PZP: variants seen among roughly 807,000 people sequenced by gnomAD.
PZP encodes the protein pregnancy zone protein.
In PZP, 150 loss-of-function variants were observed where a neutral mutation model predicts 179.8. The ratio of observed to expected loss-of-function variants is 0.83; its 90% CI spans 0.73 to 0.96. The LOEUF (loss-of-function observed/expected upper bound fraction) is 0.96. PZP is among the 40% of genes least tolerant of loss of function. The probability of loss-of-function intolerance (pLI) is 0.00; values close to 1 mark genes in which losing one functional copy is unlikely to be tolerated. For missense variants in PZP, 1,689 were observed against 1,764.0 expected, an observed-to-expected ratio of 0.96 and a Z score of 0.76; for synonymous variants, 624 against 652.3, an observed-to-expected ratio of 0.96 and a Z score of 0.66.
chr12:9,175,668 A>G (rs1942313387), intron 15 of PZP, among the ~76,000 whole-genome samples: 1 of 152,226 alleles, frequency 6.6e-6, no homozygotes, highest in South Asian at 2.1e-4. Flanking sequence ...ACAATTCTCA[A>G]AAGAAAACAT....
intron 2 of PZP, 25 bp from the exon 3 acceptor site, chr12:9,202,709 A>T: frequency 1.2e-6 from 2 of 1,605,248 alleles, no homozygotes; most frequent in Non-Finnish European, 1.7e-6. Context: ...ATTTTTTACT[A>T]CTGAGGAACT....
intron 26 of PZP, among the ~76,000 whole-genome samples, chr12:9,158,187 T>C (rs1408162353): frequency 1.3e-5 from 2 of 152,194 alleles, no homozygotes; most frequent in African/African-American, 4.8e-5. Flanking sequence ...ACTCCTGGGC[T>C]CAAGTGATCC....
At position 9,161,016 on chromosome 12, in the gene PZP, A is replaced by G; in HGVS notation, c.2872+17T>C. ...CAACTCTTTTGGCCCAGGTTTACTAAATGGAAGGTGACTCACCCAGAACTG... is the reference window on the plus strand; with the variant it reads ...CAACTCTTTTGGCCCAGGTTTACTAGATGGAAGGTGACTCACCCAGAACTG... On this transcript the variant is annotated intron_variant, in intron 23 of 35. Transcript: ENST00000261336. The G allele has an allele frequency of 4.5e-6, 7 of 1,543,876 alleles. No homozygotes were observed. The highest frequency in any genetic ancestry group is 6.3e-6 in the Non-Finnish European group (7 of 1,116,110).
intron 19 of PZP, among the ~76,000 whole-genome samples, chr12:9,164,868 A>G (rs902550758): frequency 5.3e-5 from 8 of 152,248 alleles, no homozygotes; most frequent in Non-Finnish European, 1.2e-4. Context: ...TGTTCCTGGC[A>G]TATAACCTAA....
At chr12:9,160,748 A>C (rs1342670450) in intron 23 of PZP, among the ~76,000 whole-genome samples, 2 of 152,100 alleles carry the variant, frequency 1.3e-5, no homozygotes, top group Non-Finnish European at 2.9e-5. Flanking sequence ...CCCCGTCTCT[A>C]CTAAAAATAC....
chr12:9,144,427 GAT>G (rs1401155566), downstream of PZP, among the ~76,000 whole-genome samples: 2 of 152,184 alleles, frequency 1.3e-5, no homozygotes, highest in South Asian at 2.1e-4. Context: ...AGACTCTCAG[GAT>G]CCAGTGGGAT....
intron 4 of PZP, 24 bp downstream of exon 4, chr12:9,202,295 A>G (rs1944208853): frequency 6.2e-7 from 1 of 1,601,178 alleles, no homozygotes. Flanking sequence ...CCCACAACCC[A>G]AACCACAGAT....
Position 9,163,684 on chromosome 12 carries a change from T to G in PZP, c.2720A>C (p.Lys907Thr). The change falls in exon 21 of 36, where the codon AAA becomes ACA. Residue 907 changes from lysine (K) to threonine (T), a missense_variant. By Grantham distance (78) the Lys-to-Thr change is moderately conservative. This residue lies in a region of PZP where 746 missense variants were observed against 749.2 expected (regional missense o/e 1.00). Transcript: ENST00000261336. ...PEIKRKDTVI[K>T]TLLVEAEGIE... is the part of the protein sequence containing the mutation. ...ATATGTTACCTCCACCAACAGGGTT[T>G]TGATGACTGTGTCTTTTCTTTTAAT... The G allele has an allele frequency of 6.2e-7, 1 of 1,613,820 alleles. No homozygotes were observed. The highest frequency in any genetic ancestry group is 1.3e-5 in the African/African-American group (1 of 75,044).
Position 9,152,227 on chromosome 12 carries a change from A to C in PZP, c.4205T>G (p.Val1402Gly). 4.4e-6 allele frequency: 7 copies of C among 1,599,048 alleles called. No individual in the cohort carries two copies. The highest frequency in any genetic ancestry group is 5.1e-6 in the Non-Finnish European group (6 of 1,166,388). Residue 1402 changes from valine (V) to glycine (G), a missense_variant, in exon 32 of 36, where the codon GTA (valine) becomes GGA (glycine). Coordinates refer to ENST00000261336, the MANE Select transcript of PZP (RefSeq NM_002864.3). Reference sequence around the variant, plus strand: ...GGATTAAAATACACCTACCATTTTTACTGTTGGTTTCAGGGGAATAAAACC... The same window carrying C: ...GGATTAAAATACACCTACCATTTTTCCTGTTGGTTTCAGGGGAATAAAACC... ...VSGFIPLKPTVKMLERSSSVS... is the reference protein window; with the variant it reads ...VSGFIPLKPTGKMLERSSSVS...
At chr12:9,196,707 A>G in intron 8 of PZP, 22 bp from the exon 9 acceptor site, 1 of 1,527,242 alleles carries the variant, frequency 6.5e-7, no homozygotes, top group South Asian at 1.1e-5. Flanking sequence ...ACCAAAACCA[A>G]TAAATGTCAA....
At chr12:9,185,062 G>A (rs1360232057) in intron 13 of PZP, among the ~76,000 whole-genome samples, 1 of 152,166 alleles carries the variant, frequency 6.6e-6, no homozygotes, top group Non-Finnish European at 1.5e-5. Flanking sequence ...CTCCAGCAAG[G>A]GTTCTTAATA....
At chr12:9,141,832 C>G in the PZP span, among the ~76,000 whole-genome samples, 1 of 152,066 alleles carries the variant, frequency 6.6e-6, no homozygotes, top group Non-Finnish European at 1.5e-5. Context: ...AGCCTAGGAC[C>G]CAGACAGAAG....
In PZP at chr12:9,192,704, A is replaced by G; in HGVS notation, c.1290T>C (p.Tyr430=). The G allele has an allele frequency of 6.2e-7, 1 of 1,613,456 alleles. No individual in the cohort carries two copies. The highest frequency in any genetic ancestry group is 2.2e-5 in the East Asian group (1 of 44,880). The change falls in exon 12 of 36, where the codon TAT becomes TAC. Residue 430 remains tyrosine (Y), a synonymous_variant. Transcript: ENST00000261336. ...FTVHPNLCFH[Y]SWVAEDHQGA... ...CCTGGTGGTCTTCTGCTACCCATGA[A>G]TAGTGAAAACACAAGTTGGGATGCA...
intron 6 of PZP, 37 bp from the exon 7 acceptor site, chr12:9,200,485 A>C (rs765434109): frequency 6.8e-7 from 1 of 1,460,282 alleles, no homozygotes; most frequent in Admixed American, 1.8e-5. Context: ...GAAGGTTGGT[A>C]AACATTTATT....
At chr12:9,166,316 G>T in intron 17 of PZP, 114 bp from the exon 18 acceptor site, 1 of 975,672 alleles carries the variant, frequency 1.0e-6, no homozygotes, top group Non-Finnish European at 1.5e-6. Context: ...TGTCCTAAAA[G>T]TCTTGTAGAA....
intron 29 of PZP, 43 bp downstream of exon 29, chr12:9,154,573 G>A: frequency 6.4e-7 from 1 of 1,561,468 alleles, no homozygotes; most frequent in Non-Finnish European, 8.8e-7. Context: ...CCTCCCAATT[G>A]CCAAGTGAAC....
At chr12:9,169,357 T>G in intron 16 of PZP, 73 bp downstream of exon 16, 2 of 1,353,010 alleles carry the variant, frequency 1.5e-6, no homozygotes, top group Non-Finnish European at 2.0e-6. Context: ...ACTAAGATTA[T>G]GAATAGATAC....
intron 4 of PZP, 58 bp downstream of exon 4, chr12:9,202,261 C>T (rs1944205899): frequency 1.4e-6 from 2 of 1,434,036 alleles, no homozygotes; most frequent in Non-Finnish European, 2.0e-6. Context: ...TTCTACCTCA[C>T]TCTGGGTGAG....
chr12:9,146,859 A>G (rs1019113454), downstream of PZP, among the ~76,000 whole-genome samples: 3 of 152,276 alleles, frequency 2.0e-5, no homozygotes, highest in African/African-American at 7.2e-5. Flanking sequence ...GACTGGCAAG[A>G]TAGGTGCCAA....
Sources: gnomAD v4.1 joint callset for allele counts (sites outside exome capture counted in the v4.1 genomes callset) on GRCh38, gnomAD v4.1.1 for gene constraint, gnomAD v4.1.1 regional missense constraint, MANE v1.5 for transcripts, NCBI Gene and HGNC (gene_info 2026-07-23, HGNC 2026-07-21) for gene names.